The following PDE2A variants were observed in gnomAD, a reference collection of about 807,000 sequenced individuals.
The protein encoded by PDE2A is cGMP-dependent 3',5'-cyclic phosphodiesterase.
A neutral mutation model predicts 133.6 loss-of-function variants in PDE2A; 53 were observed. The ratio of observed to expected loss-of-function variants is 0.40; its 90% CI spans 0.32 to 0.50. PDE2A has a LOEUF of 0.50. Ranked by LOEUF, PDE2A falls within the 20% of genes least tolerant of loss-of-function variation. The pLI, the probability that PDE2A is intolerant of heterozygous loss-of-function variation, is 0.73. For synonymous variants in PDE2A, 491 were observed against 490.2 expected, an observed-to-expected ratio of 1.00 and a Z score of -0.02; for missense variants, 796 against 1,232.4, an observed-to-expected ratio of 0.65 and a Z score of 5.30.
intron 21 of PDE2A, 94 bp from the exon 22 acceptor site, chr11:72,582,041 G>C: frequency 1.0e-6 from 1 of 952,768 alleles, no homozygotes; most frequent in Non-Finnish European, 1.7e-6. Flanking sequence ...TCAAAATCTG[G>C]AGTCTTAGAA....
At chr11:72,647,765 G>T (rs1227161844) in intron 1 of PDE2A, among the ~76,000 whole-genome samples, 3 of 152,224 alleles carry the variant, frequency 2.0e-5, no homozygotes, top group Non-Finnish European at 4.4e-5. Flanking sequence ...CCCTTAGGCT[G>T]CTCTGTATGT....
intron 2 of PDE2A, among the ~76,000 whole-genome samples, chr11:72,633,378 C>T (rs1037574875): frequency 1.3e-5 from 2 of 152,290 alleles, no homozygotes; most frequent in African/African-American, 4.8e-5. Flanking sequence ...AGGAGTGGCC[C>T]CAGGACTGAA....
intron 2 of PDE2A, among the ~76,000 whole-genome samples, chr11:72,615,738 C>G (rs1245269359): frequency 6.6e-6 from 1 of 152,214 alleles, no homozygotes; most frequent in African/African-American, 2.4e-5. Context: ...CACAGTCATC[C>G]TGGTCACCTG....
intron 1 of PDE2A, among the ~76,000 whole-genome samples, chr11:72,666,664 T>G (rs979033785): frequency 1.3e-5 from 2 of 152,206 alleles, no homozygotes; most frequent in African/African-American, 2.4e-5. Context: ...CTCATCCCTG[T>G]GCTCACATTG....
At chr11:72,664,611 G>C (rs901884792) in intron 1 of PDE2A, among the ~76,000 whole-genome samples, 1 of 151,602 alleles carries the variant, frequency 6.6e-6, no homozygotes, top group African/African-American at 2.4e-5. Flanking sequence ...CTGACCTCGT[G>C]ATCCGCCCAC....
chr11:72,609,498 G>A (rs1857109385), intron 2 of PDE2A, among the ~76,000 whole-genome samples: 1 of 152,184 alleles, frequency 6.6e-6, no homozygotes, highest in Non-Finnish European at 1.5e-5. Flanking sequence ...GGCCACCCCT[G>A]GCAACTATAG....
intron 1 of PDE2A, among the ~76,000 whole-genome samples, chr11:72,659,182 G>A (rs1447559039): frequency 6.6e-6 from 1 of 151,048 alleles, no homozygotes; most frequent in African/African-American, 2.4e-5. Flanking sequence ...TGACTCCCAA[G>A]TCTCATTCTT....
intron 25 of PDE2A, 43 bp from the exon 26 acceptor site, chr11:72,579,651 G>T: frequency 2.9e-6 from 4 of 1,402,978 alleles, no homozygotes; most frequent in Non-Finnish European, 4.0e-6. Context: ...GGGCAGATGG[G>T]CTCCCTTACC....
chr11:72,583,357 A>T, intron 20 of PDE2A, 81 bp downstream of exon 20: 4 of 968,886 alleles, frequency 4.1e-6, no homozygotes, highest in Non-Finnish European at 6.7e-6. Context: ...CATCCTCAGT[A>T]GAGATTGATC....
rs199918480 is a variant in PDE2A at position 72,584,539 on chromosome 11, C to A, written c.1537+12G>T. The A allele has an allele frequency of 3.8e-6, 6 of 1,590,950 alleles. No homozygotes were observed. The highest frequency in any genetic ancestry group is 1.7e-4 in the Middle Eastern group (1 of 6,014). On this transcript the variant is annotated intron_variant, in intron 18 of 30. Coordinates refer to ENST00000334456, the MANE Select transcript of PDE2A (RefSeq NM_002599.5). ...GCAGGCCCCGCCCCTCCGCCCGGGC[C>A]GCCACGCGCACCCTGGTTCTCGTTC... is the stretch of plus-strand genomic sequence containing the variant.
At chr11:72,599,604 C>G (rs759693400) in intron 4 of PDE2A, among the ~76,000 whole-genome samples, 1 of 152,208 alleles carries the variant, frequency 6.6e-6, no homozygotes, top group South Asian at 2.1e-4. Flanking sequence ...TTTCCCTGAA[C>G]CCTGAAGCAG....
intron 2 of PDE2A, among the ~76,000 whole-genome samples, chr11:72,638,902 T>C (rs1241699837): frequency 6.6e-6 from 1 of 152,200 alleles, no homozygotes; most frequent in African/African-American, 2.4e-5. Flanking sequence ...AGATCCCTTT[T>C]GCCAGTCAGG....
At chr11:72,664,470 T>G (rs1855173295) in intron 1 of PDE2A, among the ~76,000 whole-genome samples, 1 of 141,940 alleles carries the variant, frequency 7.0e-6, no homozygotes, top group Non-Finnish European at 1.5e-5. Context: ...GCCTCCTGAG[T>G]TCATGCCATT....
intron 2 of PDE2A, among the ~76,000 whole-genome samples, chr11:72,619,056 A>G (rs986722509): frequency 2.7e-4 from 40 of 146,988 alleles, no homozygotes; most frequent in African/African-American, 1.1e-3. Context: ...GCGTGCGCAC[A>G]CACACACACA....
intron 2 of PDE2A, among the ~76,000 whole-genome samples, chr11:72,615,845 C>T (rs1401703347): frequency 2.6e-5 from 4 of 152,166 alleles, no homozygotes; most frequent in East Asian, 3.9e-4. Flanking sequence ...ATCAGAGTCG[C>T]GCCACAAAAG....
At chr11:72,604,375 T>C (rs1404634264) in intron 4 of PDE2A, among the ~76,000 whole-genome samples, 1 of 152,242 alleles carries the variant, frequency 6.6e-6, no homozygotes, top group Non-Finnish European at 1.5e-5. Context: ...ATCTGGAAGA[T>C]GAGGAGGCTG....
chr11:72,613,758 G>A (rs1857329791), intron 2 of PDE2A, among the ~76,000 whole-genome samples: 1 of 152,148 alleles, frequency 6.6e-6, no homozygotes, highest in South Asian at 2.1e-4. Context: ...CCCACAGAAT[G>A]GGAAACCCAG....
intron 2 of PDE2A, among the ~76,000 whole-genome samples, chr11:72,614,189 C>T (rs531426016): frequency 1.3e-5 from 2 of 152,218 alleles, no homozygotes; most frequent in Non-Finnish European, 2.9e-5. Context: ...GCCACCTGGC[C>T]AAGGAGACGC....
In PDE2A at chr11:72,632,064, C is replaced by T. The variant is rs1474676843; in HGVS notation, c.144+10190G>A. Among the ~76,000 whole-genome samples the T allele has an allele frequency of 3.3e-5, 5 of 152,296 alleles. No homozygotes were observed. In the East Asian group the frequency reaches 9.6e-4, roughly 29 times the overall value. ...GGGGAGGGGGATGAGACACCCATCC[C>T]TGCTAGTCCCTGCTAGGAAATAAAC... On this transcript the variant is annotated intron_variant, in intron 2 of 30. Coordinates refer to ENST00000334456, the MANE Select transcript of PDE2A (RefSeq NM_002599.5).
Sources: gnomAD v4.1 joint callset for allele counts (sites outside exome capture counted in the v4.1 genomes callset) on GRCh38, gnomAD v4.1.1 for gene constraint, MANE v1.5 for transcripts, NCBI Gene and HGNC (gene_info 2026-07-23, HGNC 2026-07-21) for gene names.